SHOX: variants seen among roughly 807,000 people sequenced by gnomAD.
The protein encoded by SHOX is short stature homeobox protein.
In SHOX, 12 loss-of-function variants were observed where a neutral mutation model predicts 29.6. The observed-to-expected ratio is 0.41, with a 90% confidence interval of 0.26 to 0.66. The LOEUF is 0.66. SHOX is among the 30% of genes least tolerant of loss of function. SHOX has a pLI of 0.35. For missense variants in SHOX, 499 were observed against 437.7 expected (o/e 1.14, Z -1.25); for synonymous variants, 214 against 200.6 (o/e 1.07, Z -0.57).
rs1334857253 is a variant in SHOX, at chrX:625,507, ATT to A, written c.-433+909_-433+910del. 2.0e-5 allele frequency among the ~76,000 whole-genome samples: 3 copies of A among 148,184 alleles called. No individual in the cohort carries two copies. In the East Asian group the frequency reaches 6.1e-4, roughly 30 times the overall value. On this transcript the variant is annotated intron_variant, in intron 1 of 5. Coordinates refer to the SHOX transcript ENST00000334060. Reference sequence around the variant, plus strand: ...GTCTCTCTGTCCCCTGTCTGTCGCTATTTTTCTCTGTCTATCTCTGTATCTCT... The same window carrying A: ...GTCTCTCTGTCCCCTGTCTGTCGCTATTTCTCTGTCTATCTCTGTATCTCT...
intron 1 of SHOX, among the ~76,000 whole-genome samples, chrX:633,099 C>T (rs2052678677): frequency 6.6e-6 from 1 of 152,108 alleles, no homozygotes; most frequent in Non-Finnish European, 1.5e-5. Flanking sequence ...TGCAGAAAGA[C>T]CCCCGGGCCA....
chrX:658,458 C>T (rs1345342892), intron 5 of SHOX, among the ~76,000 whole-genome samples: 1 of 149,618 alleles, frequency 6.7e-6, no homozygotes, highest in Non-Finnish European at 1.5e-5. Flanking sequence ...AAGGCATGTT[C>T]TCAAAAAGAA....
intron 1 of SHOX, among the ~76,000 whole-genome samples, chrX:634,395 T>G (rs1052728813): frequency 9.9e-5 from 15 of 152,006 alleles, no homozygotes; most frequent in Non-Finnish European, 1.9e-4. Flanking sequence ...GAGGAAACGA[T>G]TCTGAGATGA....
chrX:636,050 C>G (rs1356513155), intron 2 of SHOX, among the ~76,000 whole-genome samples: 3 of 151,952 alleles, frequency 2.0e-5, no homozygotes, highest in African/African-American at 7.2e-5. Flanking sequence ...TCAAACACAG[C>G]TTGCTCTCGA....
chrX:635,392 G>T (rs1256858692), intron 2 of SHOX, among the ~76,000 whole-genome samples: 1 of 152,160 alleles, frequency 6.6e-6, no homozygotes, highest in Non-Finnish European at 1.5e-5. Flanking sequence ...GAAAGGAGAG[G>T]GGTGTCCTCT....
Position 649,029 on chromosome X carries a change from C to CTCT in SHOX, c.*4394_*4395insCTT, listed in dbSNP as rs2053011759. ...TTTGTTTCTTTCTTTCTTTTTCTTTCTTTCTTTTTCTTTCTTCTTTCTTTC... is the reference window on the plus strand; with the variant it reads ...TTTGTTTCTTTCTTTCTTTTTCTTTCTCTTTTCTTTTTCTTTCTTCTTTCTTTC... On this transcript the variant is annotated 3_prime_UTR_variant, in exon 5 of 5. Transcript: ENST00000686671. Among the ~76,000 whole-genome samples the CTCT allele has an allele frequency of 1.4e-5, 1 of 69,696 alleles. No homozygotes were observed. The highest frequency in any genetic ancestry group is 3.8e-5 in the Non-Finnish European group (1 of 26,554). 45.7% of individuals were successfully genotyped at this position (69,696 alleles called of 152,430 possible). A position where few individuals can be genotyped will look rare whatever the true frequency, so the allele number is the denominator to read the frequency against.
At chrX:655,610 CTCTCTATATATATATATATATATA>C (rs1304572629), downstream of SHOX, among the ~76,000 whole-genome samples, 340 of 19,074 alleles carry the variant, frequency 0.018, 2 homozygotes, top group East Asian at 0.031. Context: ...CTCTCTCTCT[CTCTCTATATATATATATATATATA>C]TATATATATA....
chrX:640,217 C>T (rs1262854351), intron 2 of SHOX, among the ~76,000 whole-genome samples: 11 of 151,536 alleles, frequency 7.3e-5, no homozygotes, highest in Non-Finnish European at 1.3e-4. Flanking sequence ...TGGTGGTGTG[C>T]GCCTGTAATC....
chrX:631,280 C>G (rs1412665242), intron 1 of SHOX, 106 bp downstream of exon 1: 27 of 1,409,738 alleles, frequency 1.9e-5, no homozygotes, highest in Non-Finnish European at 2.7e-5. Flanking sequence ...TTTGCAGCTC[C>G]CGTCTCGCCA....
At chrX:637,051 C>A in intron 2 of SHOX, among the ~76,000 whole-genome samples, 1 of 151,328 alleles carries the variant, frequency 6.6e-6, no homozygotes, top group East Asian at 1.9e-4. Flanking sequence ...ATTAAATCAA[C>A]CCTCCCCAGG....
chrX:625,705 T>G (rs55812621), intron 1 of SHOX, among the ~76,000 whole-genome samples: 3,728 of 40,432 alleles, frequency 0.092, 234 homozygotes, highest in South Asian at 0.25. Flanking sequence ...CTGTCTCTCT[T>G]TCTATCTCTG....
At chrX:658,059 C>G (rs899072195) in intron 5 of SHOX, among the ~76,000 whole-genome samples, 4 of 152,050 alleles carry the variant, frequency 2.6e-5, no homozygotes, top group Non-Finnish European at 5.9e-5. Context: ...ACTGCAACCT[C>G]AGCCTCCCAG....
At position 651,409 on chromosome X, in the gene SHOX, ACAG is replaced by A. The variant is rs1248710607; in HGVS notation, c.*6774_*6776del. 6 of 424,872 alleles carry A rather than the reference ACAG, an allele frequency of 1.4e-5. No individual in the cohort carries two copies. Among genetic ancestry groups the A allele is most frequent in the African/African-American group, 1.2e-4 (5 of 40,144 alleles). The allele number at this position is 424,872 out of a possible 1,614,324, so 26.3% of individuals were successfully genotyped here. The stretch of plus-strand genomic sequence containing the variant: ...GGGTAGAAAAAAAACAAACAAACAA[ACAG>A]AAAAAAAAACCAAAAAAAACCACCC... On this transcript the variant is annotated 3_prime_UTR_variant, in exon 5 of 5. Coordinates refer to ENST00000686671, the MANE Select transcript of SHOX (RefSeq NM_000451.4).
In SHOX at chrX:644,678, G is replaced by T. The variant is rs1035346101; in HGVS notation, c.*42G>T. On this transcript the variant is annotated 3_prime_UTR_variant, in exon 5 of 5. Coordinates refer to ENST00000686671, the MANE Select transcript of SHOX (RefSeq NM_000451.4). ...CCGCGCGCCCGGACTCCCGGGCTCC[G>T]CGCACCCCGCCTGCACCGCGCGTCC... 7.2e-6 allele frequency: 10 copies of T among 1,396,148 alleles called. No individual in the cohort carries two copies. The highest frequency in any genetic ancestry group is 1.5e-5 in the African/African-American group (1 of 65,656). 86.5% of individuals were successfully genotyped at this position (1,396,148 alleles called of 1,614,324 possible). A position where few individuals can be genotyped will look rare whatever the true frequency, so the allele number is the denominator to read the frequency against.
rs374590634 is a variant in SHOX at position 630,993 on chromosome X, C to T, written c.96C>T (p.Ser32=). The part of the protein sequence containing the change: ...GGGGGGGKKD[S]ITYREVLESG... ...GAGGCGGCGGAGGTAAGAAGGATTC[C>T]ATTACGTACCGGGAAGTTTTGGAGA... Residue 32 remains serine, a synonymous_variant, in exon 1 of 5, where the codon TCC becomes TCT. Transcript: ENST00000686671. 5 of 1,613,864 alleles carry T rather than the reference C, an allele frequency of 3.1e-6. No homozygotes were observed. The highest frequency in any genetic ancestry group is 4.5e-5 in the East Asian group (2 of 44,858).
At position 650,506 on chromosome X, in the gene SHOX, G is replaced by A. The variant is rs1392367823; in HGVS notation, c.*5870G>A. Among the ~76,000 whole-genome samples, 1 of 152,076 alleles carries A rather than the reference G, an allele frequency of 6.6e-6. No homozygotes were observed. The highest frequency in any genetic ancestry group is 6.6e-5 in the Admixed American group (1 of 15,264). On this transcript the variant is annotated 3_prime_UTR_variant, in exon 5 of 5. Coordinates refer to ENST00000686671, the MANE Select transcript of SHOX (RefSeq NM_000451.4). ...CGAAATGAAGCCGAGACGGGTTTCA[G>A]GTTTTGGTGCCAAGCTCTGGTCAGG... is the stretch of plus-strand genomic sequence containing the variant.
At chrX:640,524 C>T (rs1490399974) in intron 2 of SHOX, among the ~76,000 whole-genome samples, 4 of 151,842 alleles carry the variant, frequency 2.6e-5, no homozygotes, top group South Asian at 2.1e-4. Flanking sequence ...TGCAGTGAGC[C>T]GAGATAGTGC....
chrX:630,722 A>G (rs1227582297), upstream of SHOX: 3 of 766,510 alleles, frequency 3.9e-6, no homozygotes, highest in South Asian at 3.3e-5. Flanking sequence ...TAATTGCACC[A>G]GACAGGCAGC....
intron 4 of SHOX, among the ~76,000 whole-genome samples, chrX:643,433 CTGGGGACCTGGTGACCCGGGAGAGCCT>C (rs2052899704): frequency 1.8e-5 from 2 of 112,564 alleles, no homozygotes; most frequent in Non-Finnish European, 3.7e-5. Flanking sequence ...TTGGAGAGGC[CTGGGGACCTGGTGACCCGGGAGAGCCT>C]TGGGGACCTG....
Sources: allele counts gnomAD v4.1 joint callset (sites outside exome capture counted in the v4.1 genomes callset), GRCh38; gene constraint gnomAD v4.1.1; transcripts MANE v1.5; gene names NCBI Gene and HGNC (gene_info 2026-07-23, HGNC 2026-07-21).